Variants in PRUNE2 observed in about 807,000 individuals in gnomAD.
PRUNE2 encodes protein prune homolog 2.
In PRUNE2, 164 loss-of-function variants were observed where a neutral mutation model predicts 252.0. That is an observed-to-expected ratio of 0.65 (90% confidence interval 0.57 to 0.74). The LOEUF (loss-of-function observed/expected upper bound fraction) is 0.74, where lower values mean the gene tolerates loss of function less well. Among genes scored for constraint, PRUNE2 ranks in the 30% least tolerant of loss-of-function variants. PRUNE2 has a pLI of 0.00. For missense variants in PRUNE2, 3,495 were observed against 3,711.0 expected, an observed-to-expected ratio of 0.94 and a Z score of 1.51; for synonymous variants, 1,292 against 1,350.2, an observed-to-expected ratio of 0.96 and a Z score of 0.94.
chr9:76,865,164 A>G (rs2060764492), intron 1 of PRUNE2, among the ~76,000 whole-genome samples: 1 of 152,168 alleles, frequency 6.6e-6, no homozygotes, highest in Non-Finnish European at 1.5e-5. Flanking sequence ...GCAAATGCCT[A>G]TTTATGTCAT....
Position 76,638,099 on chromosome 9 carries a change from A to G in PRUNE2, c.8831+87T>C, listed in dbSNP as rs147140626. On this transcript the variant is annotated intron_variant, in intron 13 of 18. Coordinates refer to ENST00000376718, the MANE Select transcript of PRUNE2 (RefSeq NM_015225.3). ...CTGAAGGCTTAGAACATTCTACATC[A>G]TCTATTTTCTTTAATTAAAGGTGCT... is the stretch of plus-strand genomic sequence containing the variant. The G allele has an allele frequency of 1.1e-4, 86 of 806,806 alleles. 2 individuals carry two copies. The highest frequency in any genetic ancestry group is 9.0e-4 in the Middle Eastern group (4 of 4,466). 50.0% of individuals were successfully genotyped at this position (806,806 alleles called of 1,614,324 possible).
chr9:76,707,899 G>C lies in PRUNE2; in HGVS notation c.4375C>G (p.Pro1459Ala), dbSNP rs1464247608. The C allele has an allele frequency of 3.7e-6, 6 of 1,613,754 alleles. No individual in the cohort carries two copies. The highest frequency in any genetic ancestry group is 5.1e-6 in the Non-Finnish European group (6 of 1,179,792). ...TCAGTTTTCTCAAGATCCTTTTCAG[G>C]TACAGATACATATTTTGTGAAATTC... ...GMNFTKYVSV[P>A]EKDLEKTEEC... The change falls in exon 8 of 19, where the codon CCT (proline) becomes GCT (alanine). Residue 1459 changes from proline (P) to alanine (A), a missense_variant. By Grantham distance (27) the Pro-to-Ala change is conservative. Transcript: ENST00000376718.
rs756892862 is a variant in PRUNE2, at chr9:76,704,037, G to T, written c.7576C>A (p.Gln2526Lys). 4.3e-6 allele frequency: 7 copies of T among 1,610,604 alleles called. No individual in the cohort carries two copies. The highest frequency in any genetic ancestry group is 1.3e-5 in the African/African-American group (1 of 74,708). ...TCTTCCTTGTATTCTGATTTTATCT[G>T]CTCAGGCTCTTTGGTAGGAATTGTT... The part of the protein sequence containing the change: ...EKTIPTKEPE[Q>K]IKSEYKEERC... The change falls in exon 9 of 19, where the codon CAG becomes AAG. Residue 2526 changes from glutamine to lysine, a missense_variant. Coordinates refer to ENST00000376718, the MANE Select transcript of PRUNE2 (RefSeq NM_015225.3).
intron 9 of PRUNE2, chr9:76,691,975 T>C: frequency 2.9e-6 from 2 of 680,536 alleles, no homozygotes; most frequent in Non-Finnish European, 5.5e-6. Flanking sequence ...CCCCGCCAAC[T>C]TCCCAGCAGC....
At chr9:76,741,403 T>C (rs750136513) in intron 6 of PRUNE2, among the ~76,000 whole-genome samples, 2 of 152,078 alleles carry the variant, frequency 1.3e-5, no homozygotes, top group Non-Finnish European at 2.9e-5. Context: ...AGAAAGCATA[T>C]CTAGGAATTT....
chr9:76,765,359 G>A (rs189846123), intron 6 of PRUNE2, among the ~76,000 whole-genome samples: 52 of 152,318 alleles, frequency 3.4e-4, no homozygotes, highest in Non-Finnish European at 1.0e-4. Flanking sequence ...TATGAAGAAA[G>A]ATAAGAATAG....
At chr9:76,793,566 A>G (rs182769311) in intron 6 of PRUNE2, among the ~76,000 whole-genome samples, 390 of 152,330 alleles carry the variant, frequency 2.6e-3, no homozygotes, top group African/African-American at 9.0e-3. Context: ...ACCTTCCACC[A>G]GGTTCCATTC....
chr9:76,641,714 G>A (rs753071513), intron 12 of PRUNE2, among the ~76,000 whole-genome samples: 4 of 120,030 alleles, frequency 3.3e-5, no homozygotes, highest in Non-Finnish European at 6.8e-5. Context: ...CAAGGTGTAT[G>A]TGCTGGGTGG....
At position 76,612,075 on chromosome 9, in the gene PRUNE2, G is replaced by T. The variant is rs544844735; in HGVS notation, c.*2495C>A. On this transcript the variant is annotated 3_prime_UTR_variant, in exon 19 of 19. Transcript: ENST00000376718. ...TTCATCTAGGATTCTATTTACTTGGGGTGAATGTACATGGTAGCTTTTCCC... is the reference window on the plus strand; with the variant it reads ...TTCATCTAGGATTCTATTTACTTGGTGTGAATGTACATGGTAGCTTTTCCC... The T allele has an allele frequency of 2.0e-4, 31 of 152,324 alleles. No individual in the cohort carries two copies. The highest frequency in any genetic ancestry group is 7.5e-4 in the African/African-American group (31 of 41,516). The allele number at this position is 152,324 out of a possible 1,614,324, so 9.4% of individuals were successfully genotyped here. A position where few individuals can be genotyped will look rare whatever the true frequency, so the allele number is the denominator to read the frequency against.
chr9:76,731,261 A>AT (rs1162156442), intron 6 of PRUNE2, among the ~76,000 whole-genome samples: 1 of 150,256 alleles, frequency 6.7e-6, no homozygotes, highest in African/African-American at 2.5e-5. Flanking sequence ...CACACACACT[A>AT]TAAACATATA....
At chr9:76,802,420 A>G (rs1045157558) in intron 6 of PRUNE2, among the ~76,000 whole-genome samples, 13 of 152,182 alleles carry the variant, frequency 8.5e-5, no homozygotes, top group African/African-American at 2.9e-4. Flanking sequence ...GAAAAGTCGC[A>G]TTCCTACAGC....
intron 6 of PRUNE2, among the ~76,000 whole-genome samples, chr9:76,752,139 C>T (rs1423221359): frequency 6.6e-6 from 1 of 151,354 alleles, no homozygotes; most frequent in Non-Finnish European, 1.5e-5. Context: ...ACTCTGTCGC[C>T]CAGGCTGGAG....
At chr9:76,819,270 T>G (rs1257134244) in intron 6 of PRUNE2, 4 of 151,942 alleles carry the variant, frequency 2.6e-5, no homozygotes, top group Non-Finnish European at 1.5e-5. Flanking sequence ...ATAAATAAAC[T>G]AAGATAAGAT....
At chr9:76,735,207 G>C (rs959065711) in intron 6 of PRUNE2, among the ~76,000 whole-genome samples, 1 of 152,114 alleles carries the variant, frequency 6.6e-6, no homozygotes, top group Non-Finnish European at 1.5e-5. Context: ...TTTTCCTTAA[G>C]CAAAATTGAG....
At chr9:76,694,202 T>C (rs1260969123) in intron 9 of PRUNE2, among the ~76,000 whole-genome samples, 2 of 151,884 alleles carry the variant, frequency 1.3e-5, no homozygotes, top group African/African-American at 4.8e-5. Context: ...AGACGGAGCC[T>C]AGCTCTGTTG....
intron 6 of PRUNE2, among the ~76,000 whole-genome samples, chr9:76,794,203 G>A (rs750478718): frequency 1.8e-4 from 28 of 152,134 alleles, no homozygotes; most frequent in African/African-American, 6.5e-4. Flanking sequence ...AACGAGATAC[G>A]GTGCTTCAGA....
At position 76,707,911 on chromosome 9, in the gene PRUNE2, A is replaced by G. The variant is rs766257537; in HGVS notation, c.4363T>C (p.Tyr1455His). The G allele has an allele frequency of 2.5e-6, 4 of 1,613,828 alleles. No individual in the cohort carries two copies. The highest frequency in any genetic ancestry group is 3.3e-5 in the Admixed American group (2 of 60,006). Residue 1455 changes from tyrosine (Y) to histidine (H), a missense_variant, in exon 8 of 19, where the codon TAT (tyrosine) becomes CAT (histidine). Physicochemically the swap from Tyr to His is moderately conservative, Grantham distance 83 (BLOSUM62 2). Transcript: ENST00000376718. ...AGATCCTTTTCAGGTACAGATACAT[A>G]TTTTGTGAAATTCATCCCATCTGAA... ...ETSDGMNFTK[Y>H]VSVPEKDLEK...
Position 76,857,635 on chromosome 9 carries a change from T to C in PRUNE2, c.37-3427A>G, listed in dbSNP as rs114895813. On this transcript the variant is annotated intron_variant, in intron 1 of 18. Transcript: ENST00000376718. ...CCTGCCTGCTTGGAGGAATAAAACATAAAATTAGTCATGTAGACTCACCCT... is the reference window on the plus strand; with the variant it reads ...CCTGCCTGCTTGGAGGAATAAAACACAAAATTAGTCATGTAGACTCACCCT... Among the ~76,000 whole-genome samples the C allele has an allele frequency of 1.8e-3, 275 of 152,168 alleles. 1 individual carries two copies. Among genetic ancestry groups the C allele is most frequent in the African/African-American group, 6.4e-3 (264 of 41,500 alleles).
chr9:76,844,994 C>T (rs546498749), intron 4 of PRUNE2, among the ~76,000 whole-genome samples: 4 of 124,636 alleles, frequency 3.2e-5, no homozygotes, highest in Admixed American at 8.3e-5. Context: ...TGAGACCCCC[C>T]TCTCTTAAAA....
Sources: allele counts gnomAD v4.1 joint callset (sites outside exome capture counted in the v4.1 genomes callset), GRCh38; gene constraint gnomAD v4.1.1; transcripts MANE v1.5; gene names NCBI Gene and HGNC (gene_info 2026-07-23, HGNC 2026-07-21).